The following EHBP1 variants were observed in gnomAD, a reference collection of about 807,000 sequenced individuals.
EHBP1 encodes EH domain-binding protein 1.
Under a neutral mutation model 144.0 loss-of-function variants are expected in EHBP1, and 55 were observed. That is an observed-to-expected ratio of 0.38 (90% CI 0.31 to 0.48). EHBP1 has a LOEUF of 0.48. EHBP1 is among the 20% of genes least tolerant of loss of function. The pLI, the probability that EHBP1 is intolerant of heterozygous loss-of-function variation, is 0.98. For synonymous variants in EHBP1, 469 were observed against 472.7 expected (o/e 0.99, Z 0.10); for missense variants, 1,200 against 1,364.2 (o/e 0.88, Z 1.90).
At position 62,681,340 on chromosome 2, in the gene EHBP1, GTA is replaced by G. The variant is rs768323831; in HGVS notation, c.-296+7276_-296+7277del. 1.6e-3 allele frequency among the ~76,000 whole-genome samples: 95 copies of G among 58,512 alleles called. 7 individuals are homozygous for G. Among genetic ancestry groups the G allele is most frequent in the South Asian group, 1.8e-3 (3 of 1,672 alleles). 38.4% of individuals were successfully genotyped at this position (58,512 alleles called of 152,430 possible). On this transcript the variant is annotated intron_variant, in intron 1 of 22. Coordinates refer to the EHBP1 transcript ENST00000405015. ...TATATATTTGTATGTATGTGTGTGTGTATATATATATATATATATAATGTGTA... is the reference window on the plus strand; with the variant it reads ...TATATATTTGTATGTATGTGTGTGTGTATATATATATATATATAATGTGTA...
At chr2:62,866,095 C>T (rs2050012451) in intron 9 of EHBP1, among the ~76,000 whole-genome samples, 1 of 152,160 alleles carries the variant, frequency 6.6e-6, no homozygotes. Flanking sequence ...TCCCACCAGC[C>T]AGAAAGAAAA....
intron 3 of EHBP1, among the ~76,000 whole-genome samples, chr2:62,747,986 A>G (rs896318587): frequency 3.3e-5 from 5 of 152,020 alleles, no homozygotes; most frequent in African/African-American, 1.2e-4. Context: ...AGCCCTTAGA[A>G]CTGTGAGAAA....
intron 2 of EHBP1, among the ~76,000 whole-genome samples, chr2:62,733,454 T>C (rs1004063977): frequency 2.6e-5 from 4 of 152,178 alleles, no homozygotes; most frequent in African/African-American, 9.7e-5. Context: ...TGGTAAGGTG[T>C]GGAGGAATGG....
intron 5 of EHBP1, among the ~76,000 whole-genome samples, chr2:62,804,992 A>G (rs1007902683): frequency 3.3e-5 from 5 of 152,200 alleles, no homozygotes; most frequent in Non-Finnish European, 7.4e-5. Flanking sequence ...ACTGTCTTCC[A>G]TGAAACTGGT....
Position 62,864,978 on chromosome 2 carries a change from A to T in EHBP1, c.998+7A>T. The T allele has an allele frequency of 6.2e-7, 1 of 1,611,080 alleles. No homozygotes were observed. On this transcript the variant is annotated splice_region_variant and intron_variant, in intron 9 of 22. Transcript: ENST00000431489. ...AAGAAGAAGAATTGGATGAGTAAGT[A>T]CATTTCATTTTGCTGTCATCACAAG...
At chr2:62,709,211 C>A (rs557659437) in intron 2 of EHBP1, among the ~76,000 whole-genome samples, 1 of 152,130 alleles carries the variant, frequency 6.6e-6, no homozygotes, top group African/African-American at 2.4e-5. Context: ...ACTGGAGGAA[C>A]ACTCAGAACA....
chr2:62,820,923 T>TA (rs897986465), intron 5 of EHBP1, among the ~76,000 whole-genome samples: 2 of 151,152 alleles, frequency 1.3e-5, no homozygotes, highest in Non-Finnish European at 3.0e-5. Context: ...GCTTGTAAGG[T>TA]ACTGGCAATG....
intron 7 of EHBP1, among the ~76,000 whole-genome samples, chr2:62,833,003 T>A (rs2046941251): frequency 2.0e-5 from 3 of 152,008 alleles, no homozygotes. Flanking sequence ...AAGAAAAAAA[T>A]TCTAGAAGGA....
intron 5 of EHBP1, among the ~76,000 whole-genome samples, chr2:62,794,230 C>G (rs983267404): frequency 6.6e-6 from 1 of 152,032 alleles, no homozygotes; most frequent in African/African-American, 2.4e-5. Flanking sequence ...AAAATCTACT[C>G]AAAAGTCAGT....
chr2:63,029,377 T>C (rs2061133435), intron 19 of EHBP1, among the ~76,000 whole-genome samples: 1 of 151,602 alleles, frequency 6.6e-6, no homozygotes. Context: ...ACAATTTGTG[T>C]CCATGAAATT....
At chr2:62,816,074 ATT>A (rs1270412752) in intron 5 of EHBP1, among the ~76,000 whole-genome samples, 1 of 152,214 alleles carries the variant, frequency 6.6e-6, no homozygotes, top group Non-Finnish European at 1.5e-5. Context: ...AAGACTTGAA[ATT>A]ATCTGAAAAG....
intron 2 of EHBP1, among the ~76,000 whole-genome samples, chr2:62,747,013 T>A (rs1416525144): frequency 6.6e-6 from 1 of 152,102 alleles, no homozygotes; most frequent in Non-Finnish European, 1.5e-5. Context: ...TTTAAATTAT[T>A]TTGCAAGTGC....
chr2:62,695,038 C>T (rs996427774), intron 1 of EHBP1, among the ~76,000 whole-genome samples: 1 of 152,166 alleles, frequency 6.6e-6, no homozygotes, highest in Non-Finnish European at 1.5e-5. Flanking sequence ...ATGAAATTCA[C>T]AGTCCTAAAG....
chr2:62,993,434 C>A, intron 16 of EHBP1, 96 bp from the exon 17 acceptor site: 1 of 1,134,534 alleles, frequency 8.8e-7, no homozygotes, highest in Non-Finnish European at 1.2e-6. Flanking sequence ...GTTTCTAAAT[C>A]AGTGTTATCT....
Position 62,874,346 on chromosome 2 carries a change from A to G in EHBP1, c.999A>G (p.Glu333=), listed in dbSNP as rs757876068. Residue 333 remains glutamate, a splice_region_variant and synonymous_variant, in exon 10 of 23, where the codon GAA becomes GAG. Coordinates refer to ENST00000431489, the MANE Select transcript of EHBP1 (RefSeq NM_001142616.3). Reference sequence around the variant, plus strand: ...TAACAATAATTCTTCTTTCACTTAGATCAAATCCTTTTTATGAACCTAAAT... The same window carrying G: ...TAACAATAATTCTTCTTTCACTTAGGTCAAATCCTTTTTATGAACCTAAAT... ...SSKTEEEELD[E]SNPFYEPKST... is the part of the protein sequence containing the mutation. 2 of 1,579,358 alleles carry G rather than the reference A, an allele frequency of 1.3e-6. 1 individual carries two copies. Among genetic ancestry groups the G allele is most frequent in the African/African-American group, 2.7e-5 (2 of 73,516 alleles).
At chr2:62,694,429 G>A (rs1477645575) in intron 1 of EHBP1, among the ~76,000 whole-genome samples, 1 of 149,594 alleles carries the variant, frequency 6.7e-6, no homozygotes, top group Non-Finnish European at 1.5e-5. Flanking sequence ...GTGACTATAA[G>A]TTTTCAATTT....
chr2:62,682,628 T>G (rs1273139964), intron 1 of EHBP1, among the ~76,000 whole-genome samples: 1 of 152,172 alleles, frequency 6.6e-6, no homozygotes, highest in African/African-American at 2.4e-5. Context: ...CAGGATCATG[T>G]TGACATTTAA....
At chr2:62,808,129 C>T (rs1230102991) in intron 5 of EHBP1, among the ~76,000 whole-genome samples, 2 of 149,036 alleles carry the variant, frequency 1.3e-5, no homozygotes, top group African/African-American at 4.9e-5. Context: ...GCTTGGTGTT[C>T]TCTGAGCTCT....
intron 1 of EHBP1, among the ~76,000 whole-genome samples, chr2:62,685,527 C>T (rs568735167): frequency 1.3e-5 from 2 of 152,012 alleles, no homozygotes; most frequent in South Asian, 2.1e-4. Flanking sequence ...TTGATAAGGA[C>T]GTCAGTCATA....
Sources: gnomAD v4.1 joint callset for allele counts (sites outside exome capture counted in the v4.1 genomes callset) on GRCh38, gnomAD v4.1.1 for gene constraint, MANE v1.5 for transcripts, NCBI Gene and HGNC (gene_info 2026-07-23, HGNC 2026-07-21) for gene names.